The following JAZF1 variants were observed in gnomAD, a reference collection of about 807,000 sequenced individuals.
JAZF1 encodes the protein juxtaposed with another zinc finger protein 1.
In JAZF1, 8 loss-of-function variants were observed where a neutral mutation model predicts 26.4. The observed-to-expected ratio is 0.30, with a 90% CI of 0.18 to 0.55. The LOEUF is 0.55. Among genes scored for constraint, JAZF1 ranks in the 20% least tolerant of loss-of-function variants. The pLI is 0.94. For missense variants in JAZF1, 199 were observed against 322.0 expected (o/e 0.62, Z 2.92); for synonymous variants, 126 against 122.3 (o/e 1.03, Z -0.20).
At chr7:27,929,320 GA>G (rs1784649686) in intron 2 of JAZF1, among the ~76,000 whole-genome samples, 2 of 152,334 alleles carry the variant, frequency 1.3e-5, no homozygotes, top group South Asian at 4.1e-4. Context: ...CCAGCAGGGG[GA>G]GGGAGCAGAA....
At chr7:27,997,214 A>T (rs1264616700) in intron 1 of JAZF1, among the ~76,000 whole-genome samples, 1 of 152,132 alleles carries the variant, frequency 6.6e-6, no homozygotes, top group Non-Finnish European at 1.5e-5. Context: ...GGTATGGCAA[A>T]AGGCAAGTGA....
At chr7:28,130,244 A>C (rs1392062167) in intron 1 of JAZF1, among the ~76,000 whole-genome samples, 1 of 152,194 alleles carries the variant, frequency 6.6e-6, no homozygotes, top group Non-Finnish European at 1.5e-5. Flanking sequence ...AATGTATTAG[A>C]CAAAGGTTTT....
intron 2 of JAZF1, among the ~76,000 whole-genome samples, chr7:27,988,192 G>A (rs1200856262): frequency 7.0e-6 from 1 of 143,832 alleles, no homozygotes; most frequent in African/African-American, 2.6e-5. Context: ...AATAAATACT[G>A]AAAAAAAAAA....
In JAZF1 at chr7:28,110,604, A is replaced by AAAAGGAAAGG. The variant is rs1324880152; in HGVS notation, c.115+69849_115+69858dup. On this transcript the variant is annotated intron_variant, in intron 1 of 4. Transcript: ENST00000283928. ...GAAAAGGAAAAGGAAAAGGAAAAGG[A>AAAAGGAAAGG]AAAGGAAAGGAAAAGGAAAGGAAAG... Among the ~76,000 whole-genome samples, 531 of 109,124 alleles carry AAAAGGAAAGG rather than the reference A, an allele frequency of 4.9e-3. 41 individuals are homozygous for AAAAGGAAAGG. Among genetic ancestry groups the AAAAGGAAAGG allele is most frequent in the African/African-American group, 0.018 (476 of 26,820 alleles). The allele number at this position is 109,124 out of a possible 152,430, so 71.6% of individuals were successfully genotyped here.
At chr7:27,970,619 C>T (rs1003967782) in intron 2 of JAZF1, among the ~76,000 whole-genome samples, 5 of 152,092 alleles carry the variant, frequency 3.3e-5, no homozygotes, top group South Asian at 2.1e-4. Context: ...TATCACAGTA[C>T]GATTGTAGCA....
At chr7:28,142,566 C>T (rs1459191330) in intron 1 of JAZF1, among the ~76,000 whole-genome samples, 1 of 152,216 alleles carries the variant, frequency 6.6e-6, no homozygotes, top group Non-Finnish European at 1.5e-5. Flanking sequence ...CCGTGCGCAC[C>T]TTTCCTTTGT....
At chr7:27,867,024 T>C (rs1301550728) in intron 3 of JAZF1, among the ~76,000 whole-genome samples, 1 of 152,200 alleles carries the variant, frequency 6.6e-6, no homozygotes, top group Non-Finnish European at 1.5e-5. Context: ...GTACTGTCTT[T>C]GTTGGACCAA....
chr7:27,918,557 G>A (rs538411351), intron 2 of JAZF1, among the ~76,000 whole-genome samples: 1 of 152,286 alleles, frequency 6.6e-6, no homozygotes, highest in East Asian at 1.9e-4. Flanking sequence ...GCTGGAGAAT[G>A]GATGTCAATA....
At chr7:27,856,092 T>C (rs1554329947) in intron 3 of JAZF1, among the ~76,000 whole-genome samples, 1 of 152,212 alleles carries the variant, frequency 6.6e-6, no homozygotes, top group Non-Finnish European at 1.5e-5. Flanking sequence ...ACTTCAAGAA[T>C]GAAGCTGCGG....
intron 3 of JAZF1, among the ~76,000 whole-genome samples, chr7:27,879,238 A>C (rs1390374983): frequency 6.6e-6 from 1 of 152,180 alleles, no homozygotes; most frequent in Admixed American, 6.5e-5. Context: ...CCATTTCTTC[A>C]TATCAAGCAT....
At chr7:27,833,865 A>G (rs1286173850) in intron 4 of JAZF1, among the ~76,000 whole-genome samples, 2 of 152,204 alleles carry the variant, frequency 1.3e-5, no homozygotes, top group Non-Finnish European at 2.9e-5. Context: ...TTAAATGGTG[A>G]GGAAATGGGC....
chr7:28,016,728 A>G (rs1046564426), intron 1 of JAZF1, among the ~76,000 whole-genome samples: 4 of 151,936 alleles, frequency 2.6e-5, no homozygotes, highest in African/African-American at 9.7e-5. Context: ...GTCAAACACA[A>G]TCCCTCCCTA....
At chr7:27,953,593 G>A (rs1309798963) in intron 2 of JAZF1, among the ~76,000 whole-genome samples, 1 of 152,130 alleles carries the variant, frequency 6.6e-6, no homozygotes, top group Non-Finnish European at 1.5e-5. Context: ...ACTCAGAAAG[G>A]TCTGGATCCC....
chr7:28,148,373 C>A (rs1004006351), intron 1 of JAZF1, among the ~76,000 whole-genome samples: 1 of 152,108 alleles, frequency 6.6e-6, no homozygotes, highest in African/African-American at 2.4e-5. Context: ...GCCTGGCCCA[C>A]GTGTTTCTTT....
chr7:28,032,643 A>G (rs1196998022), intron 1 of JAZF1, among the ~76,000 whole-genome samples: 2 of 152,124 alleles, frequency 1.3e-5, no homozygotes, highest in Non-Finnish European at 2.9e-5. Flanking sequence ...TGCCCAATAT[A>G]TTTAGAATAT....
intron 2 of JAZF1, among the ~76,000 whole-genome samples, chr7:27,955,172 T>C (rs910738742): frequency 3.9e-5 from 6 of 152,224 alleles, no homozygotes; most frequent in African/African-American, 1.4e-4. Flanking sequence ...GTCTTTTACA[T>C]GTTCAACATT....
chr7:27,837,260 C>T (rs918430877), intron 4 of JAZF1, among the ~76,000 whole-genome samples: 1 of 152,240 alleles, frequency 6.6e-6, no homozygotes, highest in African/African-American at 2.4e-5. Flanking sequence ...ATCTTTTAAA[C>T]CTATCTGCAT....
In JAZF1 at chr7:28,158,992, T is replaced by G. The variant is rs185456169; in HGVS notation, c.115+21471A>C. ...AGCCACTGTCCTGGGCCCTGGGAAC[T>G]GCAGTGCACTTGGCTTTGAGTCCCT... On this transcript the variant is annotated intron_variant, in intron 1 of 4. Coordinates refer to ENST00000283928, the MANE Select transcript of JAZF1 (RefSeq NM_175061.4). Among the ~76,000 whole-genome samples, 4 of 152,296 alleles carry G rather than the reference T, an allele frequency of 2.6e-5. No individual in the cohort carries two copies. The East Asian group carries it at 7.7e-4, about 29-fold the overall frequency.
intron 1 of JAZF1, chr7:28,118,051 T>A (rs1784775486): frequency 6.6e-6 from 1 of 152,066 alleles, no homozygotes; most frequent in African/African-American, 2.4e-5. Flanking sequence ...AATCGGAAAA[T>A]GTCTGGTCCA....
Sources: allele counts gnomAD v4.1 joint callset (sites outside exome capture counted in the v4.1 genomes callset), GRCh38; gene constraint gnomAD v4.1.1; transcripts MANE v1.5; gene names NCBI Gene and HGNC (gene_info 2026-07-23, HGNC 2026-07-21).